The following SLC60A2 variants were observed in gnomAD, a reference collection of about 807,000 sequenced individuals.
The protein encoded by SLC60A2 is solute carrier family 60 member 2.
chr6:111,259,673 GAGCAAGCTGCGGTGGTT>G, the SLC60A2 span: 1 of 1,590,414 alleles, frequency 6.3e-7, no homozygotes, highest in Admixed American at 1.7e-5. Flanking sequence ...GTGGGACCGG[GAGCAAGCTGCGGTGGTT>G]CACCACCTTG....
the SLC60A2 span, chr6:111,264,030 A>G: frequency 1.0e-5 from 7 of 686,832 alleles, no homozygotes; most frequent in East Asian, 2.7e-5. Flanking sequence ...GTCACTTGCA[A>G]TGCCCCCTAA....
At chr6:111,270,960 A>G in the SLC60A2 span, 2 of 152,348 alleles carry the variant, frequency 1.3e-5, no homozygotes, top group South Asian at 2.1e-4. Flanking sequence ...AGCCAGGCCA[A>G]CAGATCTCAT....
At chr6:111,271,925 G>A in the SLC60A2 span, among the ~76,000 whole-genome samples, 6 of 151,854 alleles carry the variant, frequency 4.0e-5, no homozygotes, top group East Asian at 1.9e-4. Flanking sequence ...CTGAGATCAC[G>A]CTACTGCACT....
chr6:111,260,608 T>G, the SLC60A2 span, among the ~76,000 whole-genome samples: 3 of 152,282 alleles, frequency 2.0e-5, no homozygotes, highest in African/African-American at 7.2e-5. Context: ...TTCGGAAACC[T>G]CCTCCTTATC....
At chr6:111,267,916 T>C in the SLC60A2 span, 2 of 152,268 alleles carry the variant, frequency 1.3e-5, no homozygotes, top group Non-Finnish European at 2.9e-5. Context: ...CTAATTTCAA[T>C]GAAGAGAACA....
the SLC60A2 span, chr6:111,266,636 T>A: frequency 6.2e-7 from 1 of 1,614,242 alleles, no homozygotes; most frequent in Non-Finnish European, 8.5e-7. Context: ...CAGCATTTTT[T>A]GTAATTGGTG....
chr6:111,277,899 A>G, the SLC60A2 span: 1 of 152,210 alleles, frequency 6.6e-6, no homozygotes, highest in African/African-American at 2.4e-5. Context: ...AGCCAAGAGA[A>G]TATATTTATG....
the SLC60A2 span, chr6:111,267,316 G>A: frequency 4.3e-5 from 23 of 533,818 alleles, no homozygotes; most frequent in East Asian, 1.8e-4. Context: ...TCTCATACAC[G>A]TACAATAGGA....
At chr6:111,259,878 G>A in the SLC60A2 span, 1 of 388,604 alleles carries the variant, frequency 2.6e-6, no homozygotes, top group South Asian at 3.7e-5. Context: ...GGAGGAAATA[G>A]ATTTTCTGAA....
the SLC60A2 span, among the ~76,000 whole-genome samples, chr6:111,277,590 T>C: frequency 6.6e-6 from 1 of 152,326 alleles, no homozygotes; most frequent in African/African-American, 2.4e-5. Context: ...CAAGCTTATG[T>C]TTTTCTATTT....
the SLC60A2 span, among the ~76,000 whole-genome samples, chr6:111,271,680 G>A: frequency 8.6e-5 from 12 of 139,850 alleles, 1 homozygote; most frequent in South Asian, 2.8e-3. Context: ...GCTCACACCT[G>A]TAATCACAGC....
At chr6:111,259,793 C>T in the SLC60A2 span, 3 of 1,485,354 alleles carry the variant, frequency 2.0e-6, no homozygotes, top group South Asian at 2.5e-5. Flanking sequence ...CACTTGCAAA[C>T]TGACCTTGGG....
the SLC60A2 span, chr6:111,262,506 A>G: frequency 1.1e-5 from 15 of 1,358,022 alleles, no homozygotes; most frequent in South Asian, 7.6e-5. Context: ...AAATACTAGC[A>G]TGCAGAATGG....
the SLC60A2 span, among the ~76,000 whole-genome samples, chr6:111,261,336 C>G: frequency 6.6e-6 from 1 of 152,148 alleles, no homozygotes; most frequent in Non-Finnish European, 1.5e-5. Context: ...AAGGTTTTGA[C>G]GTTTTCCAGT....
the SLC60A2 span, among the ~76,000 whole-genome samples, chr6:111,273,496 G>GTTTTTTTTT: frequency 2.7e-5 from 3 of 109,866 alleles, no homozygotes; most frequent in Non-Finnish European, 4.5e-5. Context: ...TGAGATTTGT[G>GTTTTTTTTT]TTTTTTTTTT....
the SLC60A2 span, among the ~76,000 whole-genome samples, chr6:111,271,775 T>TAA: frequency 0.024 from 459 of 18,846 alleles, 58 homozygotes; most frequent in African/African-American, 0.059. Context: ...CCATCTCTAC[T>TAA]AAAAAAAAAA....
the SLC60A2 span, among the ~76,000 whole-genome samples, chr6:111,272,351 G>A: frequency 6.6e-6 from 1 of 152,094 alleles, no homozygotes; most frequent in Non-Finnish European, 1.5e-5. Flanking sequence ...GATCAAAGCA[G>A]GGTAATTAGG....
the SLC60A2 span, chr6:111,262,194 A>T: frequency 7.3e-7 from 1 of 1,378,042 alleles, no homozygotes; most frequent in Non-Finnish European, 1.0e-6. Flanking sequence ...GGAAGAAACT[A>T]CCACATAGTT....
chr6:111,266,473 G>A, the SLC60A2 span: 1 of 1,614,152 alleles, frequency 6.2e-7, no homozygotes, highest in Admixed American at 1.7e-5. Flanking sequence ...AGCAACATTG[G>A]CAGCCTGACT....
Sources: allele counts gnomAD v4.1 joint callset (sites outside exome capture counted in the v4.1 genomes callset), GRCh38; gene constraint gnomAD v4.1.1; transcripts MANE v1.5; gene names NCBI Gene and HGNC (gene_info 2026-07-23, HGNC 2026-07-21).